PAF1: variants seen among roughly 807,000 people sequenced by gnomAD.
PAF1 encodes PAF1 component of Paf1/RNA polymerase II complex, also known as RNA polymerase II-associated factor 1 homolog.
A neutral mutation model predicts 68.4 loss-of-function variants in PAF1; 31 were observed. That is an observed-to-expected ratio of 0.45 (90% confidence interval 0.34 to 0.61). PAF1 has a LOEUF of 0.61. PAF1 is among the 20% of genes least tolerant of loss of function. The pLI, the probability that PAF1 is intolerant of heterozygous loss-of-function variation, is 0.01. For missense variants in PAF1, 435 were observed against 692.9 expected, an observed-to-expected ratio of 0.63 and a Z score of 4.18; for synonymous variants, 256 against 240.5, an observed-to-expected ratio of 1.06 and a Z score of -0.60.
At position 39,390,945 on chromosome 19, in the gene PAF1, C is replaced by T. The variant is rs1600618939; in HGVS notation, c.-81G>A. ...AGAGGGGCGTGCCGACTTCAGGGGA[C>T]GCCTGATCCGAGGAAGGCCCAGCTT... On this transcript the variant is annotated 5_prime_UTR_variant, in exon 1 of 14. Transcript: ENST00000221265. 12 of 1,395,890 alleles carry T rather than the reference C, an allele frequency of 8.6e-6. No individual in the cohort carries two copies. The Admixed American group carries it at 2.2e-4, about 26-fold the overall frequency. The allele number at this position is 1,395,890 out of a possible 1,614,324, so 86.5% of individuals were successfully genotyped here.
rs59446951 is a variant in PAF1, at chr19:39,386,965, T to C, written c.987-166A>G. Among the ~76,000 whole-genome samples, 9,289 of 152,246 alleles carry C rather than the reference T, an allele frequency of 0.061. 448 individuals carry two copies. The highest frequency in any genetic ancestry group is 0.13 in the African/African-American group (5,418 of 41,520). ...AATAAGGGCAGCTAAGCTCAAGGTA[T>C]TGAGGGCAGGGGAAAGGAAGGATGG... On this transcript the variant is annotated intron_variant, in intron 11 of 13. Transcript: ENST00000221265. The surrounding 1 kb of genome is among the most constrained non-coding windows in gnomAD (Gnocchi z 6.1).
intron 8 of PAF1, 32 bp from the exon 9 acceptor site, chr19:39,388,897 G>GA (rs1470016152): frequency 6.2e-7 from 1 of 1,611,194 alleles, no homozygotes; most frequent in African/African-American, 1.3e-5. Context: ...GGTTAGATGG[G>GA]AACAGGCACA....
At position 39,389,527 on chromosome 19, in the gene PAF1, A is replaced by G. The variant is rs1324463770; in HGVS notation, c.312T>C (p.Asp104=). 1 of 1,614,096 alleles carries G rather than the reference A, an allele frequency of 6.2e-7. No homozygotes were observed. Among genetic ancestry groups the G allele is most frequent in the East Asian group, 2.2e-5 (1 of 44,882 alleles). The change falls in exon 5 of 14, where the codon GAT becomes GAC. Residue 104 remains aspartate, a synonymous_variant. Coordinates refer to ENST00000221265, the MANE Select transcript of PAF1 (RefSeq NM_019088.4). This position sits in a 1 kb window ranked among gnomAD's most constrained non-coding sequence, Gnocchi z 5.3. ...GAATCTCCTCTTCCAAAAGTTTCTC[A>G]TCAGCTGGATCTAGAAGAACTAGAG... ...IDPNVLLDPA[D]EKLLEEEIQA... is the part of the protein sequence containing the mutation.
Position 39,391,091 on chromosome 19 carries a change from C to T in PAF1, c.-227G>A. 6 of 631,158 alleles carry T rather than the reference C, an allele frequency of 9.5e-6. No individual in the cohort carries two copies. In the South Asian group the frequency reaches 1.2e-4, roughly 12 times the overall value. 39.1% of individuals were successfully genotyped at this position (631,158 alleles called of 1,614,324 possible). On this transcript the variant is annotated 5_prime_UTR_variant, in exon 1 of 14. Coordinates refer to ENST00000221265, the MANE Select transcript of PAF1 (RefSeq NM_019088.4). ...GGACTCGAAGCTCCGGTTCCACCAACTGCCGCCAAGACGCTGAGGACCCAA... is the reference window on the plus strand; with the variant it reads ...GGACTCGAAGCTCCGGTTCCACCAATTGCCGCCAAGACGCTGAGGACCCAA...
chr19:39,389,918 C>T lies in PAF1; in HGVS notation c.170+151G>A, dbSNP rs2078336715. 7 of 1,120,808 alleles carry T rather than the reference C, an allele frequency of 6.2e-6. No homozygotes were observed. Among genetic ancestry groups the T allele is most frequent in the South Asian group, 4.0e-5 (3 of 75,080 alleles). 69.4% of individuals were successfully genotyped at this position (1,120,808 alleles called of 1,614,324 possible). ...GCTCCCCAGTGGGAAGGGACTTGGACACTGCTTGCTCCATTAACAATTGAG... is the reference window on the plus strand; with the variant it reads ...GCTCCCCAGTGGGAAGGGACTTGGATACTGCTTGCTCCATTAACAATTGAG... On this transcript the variant is annotated intron_variant, in intron 3 of 13. Coordinates refer to ENST00000221265, the MANE Select transcript of PAF1 (RefSeq NM_019088.4). This position sits in a 1 kb window ranked among gnomAD's most constrained non-coding sequence, Gnocchi z 5.3.
At chr19:39,390,466 A>C (rs1046939125) in intron 1 of PAF1, among the ~76,000 whole-genome samples, 177 bp from the exon 2 acceptor site, 1 of 152,212 alleles carries the variant, frequency 6.6e-6, no homozygotes, top group Non-Finnish European at 1.5e-5. Flanking sequence ...CAATTTATTT[A>C]GGAAGAAATG....
In PAF1 at chr19:39,388,558, A is replaced by G. The variant is rs1449667439; in HGVS notation, c.857+2T>C. 1 of 1,613,946 alleles carries G rather than the reference A, an allele frequency of 6.2e-7. No homozygotes were observed. The highest frequency in any genetic ancestry group is 2.2e-5 in the East Asian group (1 of 44,876). On this transcript the variant is annotated splice_donor_variant, in intron 10 of 13. Transcript: ENST00000221265. LOFTEE classifies it high-confidence loss of function. Reference sequence around the variant, plus strand: ...CCCAAAACTTAACCGCAACCCACGCACACATCATCTGGTGCATAGTCCATC... The same window carrying G: ...CCCAAAACTTAACCGCAACCCACGCGCACATCATCTGGTGCATAGTCCATC...
chr19:39,386,194 C>G lies in PAF1; in HGVS notation c.1393G>C (p.Asp465His), dbSNP rs766409723. 1 of 1,614,046 alleles carries G rather than the reference C, an allele frequency of 6.2e-7. No individual in the cohort carries two copies. The highest frequency in any genetic ancestry group is 8.5e-7 in the Non-Finnish European group (1 of 1,180,048). Residue 465 changes from aspartate to histidine, a missense_variant, in exon 14 of 14, where the codon GAC becomes CAC. By Grantham distance (81) the Asp-to-His change is moderately conservative (BLOSUM62 -1). Coordinates refer to ENST00000221265, the MANE Select transcript of PAF1 (RefSeq NM_019088.4). The surrounding 1 kb of genome is among the most constrained non-coding windows in gnomAD (Gnocchi z 6.1). ...GSDADSEDDA[D>H]SDDEDRGQAQ... Reference sequence around the variant, plus strand: ...TGTCCTCTGTCCTCATCATCAGAGTCGGCATCGTCCTCAGAATCAGCATCA... The same window carrying G: ...TGTCCTCTGTCCTCATCATCAGAGTGGGCATCGTCCTCAGAATCAGCATCA...
In PAF1 at chr19:39,385,812, G is replaced by T; in HGVS notation, c.*179C>A. ...AGCACCTGGGGGTTGCGGGAGGTAT[G>T]TGCTGGGCTGAATGACATCATAGGG... is the stretch of plus-strand genomic sequence containing the variant. On this transcript the variant is annotated 3_prime_UTR_variant, in exon 14 of 14. Coordinates refer to ENST00000221265, the MANE Select transcript of PAF1 (RefSeq NM_019088.4). 1 of 918,286 alleles carries T rather than the reference G, an allele frequency of 1.1e-6. No homozygotes were observed. Among genetic ancestry groups the T allele is most frequent in the Non-Finnish European group, 1.6e-6 (1 of 620,688 alleles). 56.9% of individuals were successfully genotyped at this position (918,286 alleles called of 1,614,324 possible).
rs1294085224 is a variant in PAF1 at position 39,388,857 on chromosome 19, G to A, written c.645C>T (p.Ile215=). Residue 215 remains isoleucine (I), a synonymous_variant, in exon 9 of 14, where the codon ATC becomes ATT. Transcript: ENST00000221265. ...CAAAGATCACCTGAGCACATGGATT[G>A]ATCCACATCTAGGGAGATGGAGGCA... ...MPVFPDFKMW[I]NPCAQVIFDS... 30 of 1,613,880 alleles carry A rather than the reference G, an allele frequency of 1.9e-5. No homozygotes were observed. Among genetic ancestry groups the A allele is most frequent in the Non-Finnish European group, 2.5e-5 (29 of 1,179,878 alleles).
In PAF1 at chr19:39,385,646, T is replaced by C; in HGVS notation, c.*345A>G. The C allele has an allele frequency of 2.0e-6, 1 of 510,968 alleles. No individual in the cohort carries two copies. The highest frequency in any genetic ancestry group is 3.4e-5 in the South Asian group (1 of 29,178). The allele number at this position is 510,968 out of a possible 1,614,324, so 31.7% of individuals were successfully genotyped here. ...AAGACTTATTTGTTGGAGTTTCACT[T>C]GTTTAATGGTCTGGGCTTATTTTGG... On this transcript the variant is annotated 3_prime_UTR_variant, in exon 14 of 14. Transcript: ENST00000221265.
Position 39,389,779 on chromosome 19 carries a change from T to C in PAF1, c.171-18A>G. 3 of 1,613,772 alleles carry C rather than the reference T, an allele frequency of 1.9e-6. No individual in the cohort carries two copies. In the East Asian group the frequency reaches 6.7e-5, roughly 36 times the overall value. On this transcript the variant is annotated intron_variant, in intron 3 of 13. Coordinates refer to ENST00000221265, the MANE Select transcript of PAF1 (RefSeq NM_019088.4). This position sits in a 1 kb window ranked among gnomAD's most constrained non-coding sequence, Gnocchi z 5.3. ...GGACGAACCTGGGTGGGGAAACACC[T>C]ATTGTGGTGTTTGGATTCCAGCTTC...
Position 39,389,611 on chromosome 19 carries a change from G to A in PAF1, c.292+29C>T. 6.2e-7 allele frequency: 1 copy of A among 1,614,196 alleles called. No homozygotes were observed. Among genetic ancestry groups the A allele is most frequent in the Non-Finnish European group, 8.5e-7 (1 of 1,180,022 alleles). On this transcript the variant is annotated intron_variant, in intron 4 of 13. Transcript: ENST00000221265. This position sits in a 1 kb window ranked among gnomAD's most constrained non-coding sequence, Gnocchi z 5.3. Reference sequence around the variant, plus strand: ...CCAGGCCTGAGCCTTTGCTGACCTAGAGCAGACCCTCCCTGTCTCCCCACA... The same window carrying A: ...CCAGGCCTGAGCCTTTGCTGACCTAAAGCAGACCCTCCCTGTCTCCCCACA...
intron 11 of PAF1, among the ~76,000 whole-genome samples, chr19:39,387,840 T>G (rs978646580): frequency 4.6e-5 from 7 of 152,214 alleles, no homozygotes; most frequent in Admixed American, 6.5e-5. Flanking sequence ...AAATGTCTCC[T>G]GCATTAAGAT....
chr19:39,391,077 T>C lies in PAF1; in HGVS notation c.-213A>G. 9.5e-6 allele frequency: 6 copies of C among 630,816 alleles called. No homozygotes were observed. The Admixed American group carries it at 1.2e-4, about 13-fold the overall frequency. The allele number at this position is 630,816 out of a possible 1,614,324, so 39.1% of individuals were successfully genotyped here. A position where few individuals can be genotyped will look rare whatever the true frequency, so the allele number is the denominator to read the frequency against. On this transcript the variant is annotated 5_prime_UTR_variant, in exon 1 of 14. Coordinates refer to ENST00000221265, the MANE Select transcript of PAF1 (RefSeq NM_019088.4). ...GCAGCACCGGGGACGGACTCGAAGC[T>C]CCGGTTCCACCAACTGCCGCCAAGA...
rs759172968 is a variant in PAF1, at chr19:39,388,849, C to G, written c.653G>C (p.Cys218Ser). 6.2e-7 allele frequency: 1 copy of G among 1,614,144 alleles called. No homozygotes were observed. Among genetic ancestry groups the G allele is most frequent in the African/African-American group, 1.3e-5 (1 of 75,032 alleles). The change falls in exon 9 of 14, where the codon TGT becomes TCT. Residue 218 changes from cysteine (C) to serine (S), a missense_variant. By Grantham distance (112) the Cys-to-Ser change is moderately radical. Transcript: ENST00000221265. ...GTCTGAGTCAAAGATCACCTGAGCA[C>G]ATGGATTGATCCACATCTAGGGAGA... Reference protein sequence around the residue: ...FPDFKMWINPCAQVIFDSDPA... With the variant: ...FPDFKMWINPSAQVIFDSDPA...
In PAF1 at chr19:39,386,947, G is replaced by A. The variant is rs2078265035; in HGVS notation, c.987-148C>T. Reference sequence around the variant, plus strand: ...GGGAATAAATACAGATTGAATAAGGGCAGCTAAGCTCAAGGTATTGAGGGC... The same window carrying A: ...GGGAATAAATACAGATTGAATAAGGACAGCTAAGCTCAAGGTATTGAGGGC... On this transcript the variant is annotated intron_variant, in intron 11 of 13. Coordinates refer to ENST00000221265, the MANE Select transcript of PAF1 (RefSeq NM_019088.4). This position sits in a 1 kb window ranked among gnomAD's most constrained non-coding sequence, Gnocchi z 6.1. The A allele has an allele frequency of 1.6e-6, 1 of 644,594 alleles. No homozygotes were observed. The highest frequency in any genetic ancestry group is 2.3e-5 in the Admixed American group (1 of 42,754). 39.9% of individuals were successfully genotyped at this position (644,594 alleles called of 1,614,324 possible).
chr19:39,387,248 ATAG>A, intron 11 of PAF1: 1 of 398,112 alleles, frequency 2.5e-6, no homozygotes, highest in South Asian at 1.9e-5. Context: ...TTGTAATACA[ATAG>A]TAAGTATTTG....
At position 39,386,314 on chromosome 19, in the gene PAF1, T is replaced by C. The variant is rs748482850; in HGVS notation, c.1273A>G (p.Arg425Gly). 11 of 1,614,042 alleles carry C rather than the reference T, an allele frequency of 6.8e-6. No homozygotes were observed. The highest frequency in any genetic ancestry group is 1.6e-4 in the Middle Eastern group (1 of 6,084). ...GSESEREEGD[R>G]DEASDKSGSG... ...CCACTCTTGTCACTGGCCTCGTCCCTGTCACCTTCCTCCCGTTCACTCTCG... is the reference window on the plus strand; with the variant it reads ...CCACTCTTGTCACTGGCCTCGTCCCCGTCACCTTCCTCCCGTTCACTCTCG... The change falls in exon 14 of 14, where the codon AGG becomes GGG. Residue 425 changes from arginine to glycine, a missense_variant. This residue lies in a region of PAF1 where 78 missense variants were observed against 80.6 expected (regional missense o/e 0.97). Transcript: ENST00000221265. The surrounding 1 kb of genome is among the most constrained non-coding windows in gnomAD (Gnocchi z 6.1).
Sources: allele counts gnomAD v4.1 joint callset (sites outside exome capture counted in the v4.1 genomes callset), GRCh38; gene constraint gnomAD v4.1.1; regional missense constraint gnomAD v4.1.1; non-coding constraint Gnocchi (gnomAD v3.1); transcripts MANE v1.5; gene names NCBI Gene and HGNC (gene_info 2026-07-23, HGNC 2026-07-21).